The following CELSR1 variants were observed in gnomAD, a reference collection of about 807,000 sequenced individuals.
CELSR1 encodes adhesion G protein-coupled receptor C1.
A neutral mutation model predicts 249.1 loss-of-function variants in CELSR1; 110 were observed. That is an observed-to-expected ratio of 0.44 (90% CI 0.38 to 0.52). The LOEUF is 0.52. Among genes scored for constraint, CELSR1 ranks in the 20% least tolerant of loss-of-function variants. CELSR1 has a pLI of 0.00. For synonymous variants in CELSR1, 2,113 were observed against 1,900.0 expected (o/e 1.11, Z -2.92); for missense variants, 4,109 against 4,296.4 (o/e 0.96, Z 1.22).
intron 1 of CELSR1, among the ~76,000 whole-genome samples, chr22:46,499,031 T>A (rs1287213266): frequency 6.6e-6 from 1 of 151,364 alleles, no homozygotes; most frequent in Non-Finnish European, 1.5e-5. Flanking sequence ...AATACAAAAA[T>A]TAGCCAGGCA....
intron 1 of CELSR1, among the ~76,000 whole-genome samples, chr22:46,486,767 CG>C (rs2080317006): frequency 1.3e-5 from 2 of 149,726 alleles, no homozygotes; most frequent in Admixed American, 6.7e-5. Flanking sequence ...CGCTTGAACC[CG>C]GGAGGTGGAG....
chr22:46,406,797 G>A lies in CELSR1; in HGVS notation c.5226+2199C>T, dbSNP rs756486753. On this transcript the variant is annotated intron_variant, in intron 9 of 34. Coordinates refer to ENST00000674500, the MANE Select transcript of CELSR1 (RefSeq NM_001378328.1). The surrounding 1 kb of genome is among the most constrained non-coding windows in gnomAD (Gnocchi z 5.4). ...AACGAGAGCTTGGAGCAGGCACTCC[G>A]TAAAATCCATCTCACCTCTCACCAT... Among the ~76,000 whole-genome samples, 5 of 152,140 alleles carry A rather than the reference G, an allele frequency of 3.3e-5. No homozygotes were observed. Among genetic ancestry groups the A allele is most frequent in the Admixed American group, 1.3e-4 (2 of 15,286 alleles).
chr22:46,364,356 G>C, intron 33 of CELSR1, 105 bp from the exon 34 acceptor site: 1 of 1,530,328 alleles, frequency 6.5e-7, no homozygotes, highest in Non-Finnish European at 8.8e-7. Context: ...CTTCCTCCTG[G>C]TTCCCCGGGT....
At position 46,395,393 on chromosome 22, in the gene CELSR1, G is replaced by A. The variant is rs927555487; in HGVS notation, c.5844-1131C>T. 2.0e-5 allele frequency among the ~76,000 whole-genome samples: 3 copies of A among 151,808 alleles called. No individual in the cohort carries two copies. The highest frequency in any genetic ancestry group is 1.3e-4 in the Admixed American group (2 of 15,250). On this transcript the variant is annotated intron_variant, in intron 13 of 34. Transcript: ENST00000674500. This position sits in a 1 kb window ranked among gnomAD's most constrained non-coding sequence, Gnocchi z 5.5. The stretch of plus-strand genomic sequence containing the variant: ...GTTCCTGGCTTGCGGGCCCACCTCT[G>A]TCCCCACCCAGGCCTCTCTAGATCA...
chr22:46,449,824 G>C (rs1190524431), intron 2 of CELSR1, among the ~76,000 whole-genome samples: 1 of 152,214 alleles, frequency 6.6e-6, no homozygotes, highest in African/African-American at 2.4e-5. Context: ...GTCAGGACCA[G>C]AAAGGGTGGG....
At chr22:46,525,828 G>C (rs1187633561) in intron 1 of CELSR1, among the ~76,000 whole-genome samples, 1 of 152,236 alleles carries the variant, frequency 6.6e-6, no homozygotes, top group East Asian at 1.9e-4. Context: ...GCAGGCACAG[G>C]CACCAGCCCA....
chr22:46,518,623 A>G lies in CELSR1; in HGVS notation c.3544+15004T>C, dbSNP rs2080652842. On this transcript the variant is annotated intron_variant, in intron 1 of 34. Transcript: ENST00000674500. This position sits in a 1 kb window ranked among gnomAD's most constrained non-coding sequence, Gnocchi z 5.2. ...AAGGCTGCAGATGAAGATATAAATT[A>G]AGATGGGGCCAGGCACGGTGGCCCA... Among the ~76,000 whole-genome samples the G allele has an allele frequency of 6.6e-6, 1 of 152,222 alleles. No individual in the cohort carries two copies. The highest frequency in any genetic ancestry group is 1.5e-5 in the Non-Finnish European group (1 of 68,034).
At chr22:46,379,363 C>T (rs1184803843) in intron 22 of CELSR1, among the ~76,000 whole-genome samples, 1 of 150,420 alleles carries the variant, frequency 6.6e-6, no homozygotes, top group Non-Finnish European at 1.5e-5. Flanking sequence ...CACATAACCT[C>T]TCAGATCCTT....
At chr22:46,529,047 C>T (rs1269618572) in intron 1 of CELSR1, among the ~76,000 whole-genome samples, 4 of 151,442 alleles carry the variant, frequency 2.6e-5, no homozygotes, top group East Asian at 2.0e-4. Flanking sequence ...AGGTGGATCA[C>T]GAGGTCAGGA....
chr22:46,491,002 G>A (rs1043475882), intron 1 of CELSR1, among the ~76,000 whole-genome samples: 4 of 152,044 alleles, frequency 2.6e-5, no homozygotes, highest in Admixed American at 2.6e-4. Context: ...TCAGGACCTC[G>A]GAAGTCAGGA....
intron 1 of CELSR1, among the ~76,000 whole-genome samples, chr22:46,515,627 A>G (rs2080619135): frequency 6.6e-6 from 1 of 152,198 alleles, no homozygotes; most frequent in Non-Finnish European, 1.5e-5. Context: ...CACAGTGCTC[A>G]GGGCTGGGGA....
In CELSR1 at chr22:46,396,827, C is replaced by T. The variant is rs2079153178; in HGVS notation, c.5702-81G>A. The stretch of plus-strand genomic sequence containing the variant: ...TAAAATATCTGGAGCAACCTGTCCC[C>T]TCCAGAAGATCTGACTTTCCCTGGT... On this transcript the variant is annotated intron_variant, in intron 12 of 34. Coordinates refer to ENST00000674500, the MANE Select transcript of CELSR1 (RefSeq NM_001378328.1). The surrounding 1 kb of genome is among the most constrained non-coding windows in gnomAD (Gnocchi z 6.4). 1 of 1,537,412 alleles carries T rather than the reference C, an allele frequency of 6.5e-7. No individual in the cohort carries two copies. Among genetic ancestry groups the T allele is most frequent in the Non-Finnish European group, 8.8e-7 (1 of 1,135,416 alleles).
rs563701263 is a variant in CELSR1 at position 46,406,548 on chromosome 22, G to C, written c.5226+2448C>G. ...TGGGAGCACTCTCGGTCCTGCCCCC[G>C]CCACACTCCAACCAGGCACTCATGA... On this transcript the variant is annotated intron_variant, in intron 9 of 34. Coordinates refer to ENST00000674500, the MANE Select transcript of CELSR1 (RefSeq NM_001378328.1). The surrounding 1 kb of genome is among the most constrained non-coding windows in gnomAD (Gnocchi z 5.4). 1.3e-5 allele frequency among the ~76,000 whole-genome samples: 2 copies of C among 152,128 alleles called. No homozygotes were observed. Among genetic ancestry groups the C allele is most frequent in the Non-Finnish European group, 2.9e-5 (2 of 68,002 alleles).
At chr22:46,377,302 C>T (rs1397064076) in intron 23 of CELSR1, 41 bp from the exon 24 acceptor site, 3 of 1,594,680 alleles carry the variant, frequency 1.9e-6, no homozygotes, top group Non-Finnish European at 2.6e-6. Flanking sequence ...AAGGTAAGGG[C>T]CGAGGCTCAG....
In CELSR1 at chr22:46,430,232, C is replaced by T. The variant is rs1022166788; in HGVS notation, c.4611+3161G>A. On this transcript the variant is annotated intron_variant, in intron 5 of 34. Coordinates refer to ENST00000674500, the MANE Select transcript of CELSR1 (RefSeq NM_001378328.1). This position sits in a 1 kb window ranked among gnomAD's most constrained non-coding sequence, Gnocchi z 4.6. ...GAGGGTGGGCAGCAGCGGCATGGCCCGCACCAATGCTTCCACCCTCTCCAG... is the reference window on the plus strand; with the variant it reads ...GAGGGTGGGCAGCAGCGGCATGGCCTGCACCAATGCTTCCACCCTCTCCAG... Among the ~76,000 whole-genome samples the T allele has an allele frequency of 1.3e-5, 2 of 152,202 alleles. No homozygotes were observed. The highest frequency in any genetic ancestry group is 2.1e-4 in the South Asian group (1 of 4,834).
chr22:46,391,052 T>G lies in CELSR1; in HGVS notation c.6250+134A>C. The G allele has an allele frequency of 1.4e-6, 1 of 695,518 alleles. No individual in the cohort carries two copies. The highest frequency in any genetic ancestry group is 2.7e-5 in the Admixed American group (1 of 36,892). The allele number at this position is 695,518 out of a possible 1,614,324, so 43.1% of individuals were successfully genotyped here. A position where few individuals can be genotyped will look rare whatever the true frequency, so the allele number is the denominator to read the frequency against. On this transcript the variant is annotated intron_variant, in intron 16 of 34. Transcript: ENST00000674500. The surrounding 1 kb of genome is among the most constrained non-coding windows in gnomAD (Gnocchi z 4.3). ...GTATTTCCTGGTAGGGAAAAGGCGATCGGATTTCTCCCCAGCACTTTGCCT... is the reference window on the plus strand; with the variant it reads ...GTATTTCCTGGTAGGGAAAAGGCGAGCGGATTTCTCCCCAGCACTTTGCCT...
rs538277315 is a variant in CELSR1 at position 46,375,292 on chromosome 22, G to C, written c.7584+1769C>G. ...GCCACACCTTCCTTGGCCTCTGCAG[G>C]TGTCCCATCTCACCCAGACCCTGCC... On this transcript the variant is annotated intron_variant, in intron 24 of 34. Transcript: ENST00000674500. Among the ~76,000 whole-genome samples, 87 of 152,218 alleles carry C rather than the reference G, an allele frequency of 5.7e-4. 1 individual carries two copies. Among genetic ancestry groups the C allele is most frequent in the Non-Finnish European group, 1.0e-3 (69 of 68,008 alleles).
chr22:46,438,442 C>G (rs1026852808), intron 3 of CELSR1, among the ~76,000 whole-genome samples: 7 of 152,154 alleles, frequency 4.6e-5, no homozygotes, highest in Admixed American at 4.6e-4. Context: ...AGTGTCACTG[C>G]CCTGGAAGCT....
chr22:46,459,074 G>C (rs1057231932), intron 2 of CELSR1, among the ~76,000 whole-genome samples: 2 of 152,068 alleles, frequency 1.3e-5, no homozygotes, highest in African/African-American at 2.4e-5. Flanking sequence ...ATTTTTAGTA[G>C]AGACAAGGTT....
Sources: gnomAD v4.1 joint callset for allele counts (sites outside exome capture counted in the v4.1 genomes callset) on GRCh38, gnomAD v4.1.1 for gene constraint, Gnocchi (gnomAD v3.1) non-coding constraint, MANE v1.5 for transcripts, NCBI Gene and HGNC (gene_info 2026-07-23, HGNC 2026-07-21) for gene names.